MAF: variants seen among roughly 807,000 people sequenced by gnomAD.
MAF encodes MAF bZIP transcription factor.
Under a neutral mutation model 22.0 loss-of-function variants are expected in MAF, and 10 were observed. That is an observed-to-expected ratio of 0.45 (90% CI 0.28 to 0.77). MAF has a LOEUF of 0.77. Among genes scored for constraint, MAF ranks in the 30% least tolerant of loss-of-function variants. The pLI is 0.12. For missense variants in MAF, 544 were observed against 548.4 expected (o/e 0.99, Z 0.08); for synonymous variants, 337 against 255.8 (o/e 1.32, Z -3.03).
At chr16:79,566,742 G>T in the MAF span, among the ~76,000 whole-genome samples, 1 of 152,112 alleles carries the variant, frequency 6.6e-6, no homozygotes, top group Non-Finnish European at 1.5e-5. Context: ...AGATGTGCAG[G>T]GCCCTAAGGA....
the MAF span, among the ~76,000 whole-genome samples, chr16:79,302,945 C>A: frequency 6.6e-6 from 1 of 152,388 alleles, no homozygotes; most frequent in Admixed American, 6.5e-5. Flanking sequence ...ATGGGAGACA[C>A]TCTCCAACAA....
the MAF span, chr16:79,205,030 C>G: frequency 2.0e-5 from 3 of 152,168 alleles, no homozygotes; most frequent in African/African-American, 7.2e-5. Context: ...TCTAGCCAGA[C>G]TCGGATTTGG....
At chr16:79,211,882 C>G in the MAF span, 9 of 1,583,152 alleles carry the variant, frequency 5.7e-6, no homozygotes, top group Non-Finnish European at 7.7e-6. Context: ...TTCCAAATGT[C>G]CCTCCAACAC....
At chr16:79,557,187 T>C in the MAF span, among the ~76,000 whole-genome samples, 567 of 151,060 alleles carry the variant, frequency 3.8e-3, 12 homozygotes, top group African/African-American at 0.013. Flanking sequence ...TTCAATTCCA[T>C]TGCTAGTGCC....
the MAF span, among the ~76,000 whole-genome samples, chr16:79,365,807 T>A: frequency 6.6e-6 from 1 of 152,212 alleles, no homozygotes; most frequent in African/African-American, 2.4e-5. Flanking sequence ...CGAGGTGCCA[T>A]GTTCCTTCAA....
chr16:79,223,976 T>C, the MAF span, among the ~76,000 whole-genome samples: 80 of 152,172 alleles, frequency 5.3e-4, no homozygotes, highest in African/African-American at 1.8e-3. Context: ...TTGCAAACAA[T>C]AGGAAAAGAA....
At chr16:79,398,025 C>G in the MAF span, among the ~76,000 whole-genome samples, 1 of 152,222 alleles carries the variant, frequency 6.6e-6, no homozygotes, top group Non-Finnish European at 1.5e-5. Flanking sequence ...ACCTGGGTCT[C>G]GCTAGGCTAA....
At chr16:79,321,440 C>T in the MAF span, among the ~76,000 whole-genome samples, 1 of 152,088 alleles carries the variant, frequency 6.6e-6, no homozygotes. Context: ...AGGGAAAGGG[C>T]TACAAGAACA....
the MAF span, among the ~76,000 whole-genome samples, chr16:79,472,315 T>C: frequency 6.6e-6 from 1 of 152,214 alleles, no homozygotes; most frequent in Non-Finnish European, 1.5e-5. Flanking sequence ...AAGACTTCTA[T>C]GTGAATTCAC....
At chr16:79,212,252 G>C in the MAF span, 2 of 1,328,140 alleles carry the variant, frequency 1.5e-6, no homozygotes, top group African/African-American at 1.5e-5. Flanking sequence ...TGATCCAGGA[G>C]ATAATTGTTT....
chr16:79,220,482 T>C, the MAF span, among the ~76,000 whole-genome samples: 2 of 152,104 alleles, frequency 1.3e-5, no homozygotes, highest in African/African-American at 4.8e-5. Context: ...TATTTCAAAC[T>C]AAGTAAATTA....
the MAF span, among the ~76,000 whole-genome samples, chr16:79,300,046 C>T: frequency 4.6e-5 from 7 of 152,124 alleles, no homozygotes; most frequent in Admixed American, 1.3e-4. Context: ...GCGTCTCTTC[C>T]GCAGCACCCA....
At chr16:79,376,132 A>T in the MAF span, among the ~76,000 whole-genome samples, 6,836 of 152,242 alleles carry the variant, frequency 0.045, 490 homozygotes, top group African/African-American at 0.16. Flanking sequence ...AGCAAAAAAA[A>T]ATCACCAGAA....
chr16:79,272,777 C>T, the MAF span, among the ~76,000 whole-genome samples: 7 of 152,166 alleles, frequency 4.6e-5, no homozygotes, highest in African/African-American at 7.2e-5. Flanking sequence ...ACCCACAATT[C>T]GGTAACGAGA....
the MAF span, among the ~76,000 whole-genome samples, chr16:79,220,371 T>G: frequency 1.5e-3 from 224 of 152,072 alleles, no homozygotes; most frequent in African/African-American, 5.0e-3. Flanking sequence ...AACCAACTAG[T>G]GTAAATACTG....
At chr16:79,538,238 T>A in the MAF span, among the ~76,000 whole-genome samples, 1 of 152,122 alleles carries the variant, frequency 6.6e-6, no homozygotes, top group Non-Finnish European at 1.5e-5. Context: ...ATGAATGAAG[T>A]AAAATAGCCC....
At chr16:79,250,567 C>T in the MAF span, among the ~76,000 whole-genome samples, 1 of 152,086 alleles carries the variant, frequency 6.6e-6, no homozygotes, top group African/African-American at 2.4e-5. Flanking sequence ...AGAATCAGTC[C>T]TTGTTCTGGT....
chr16:79,211,021 ATG>A, the MAF span, among the ~76,000 whole-genome samples: 1 of 105,106 alleles, frequency 9.5e-6, no homozygotes, highest in African/African-American at 3.3e-5. Flanking sequence ...CTAAGTATGA[ATG>A]TATGGTGAGG....
chr16:79,528,128 C>T, the MAF span, among the ~76,000 whole-genome samples: 1 of 152,024 alleles, frequency 6.6e-6, no homozygotes. Context: ...GGCAACAGAG[C>T]GTGACTCTGT....
Sources: allele counts gnomAD v4.1 joint callset (sites outside exome capture counted in the v4.1 genomes callset), GRCh38; gene constraint gnomAD v4.1.1; transcripts MANE v1.5; gene names NCBI Gene and HGNC (gene_info 2026-07-23, HGNC 2026-07-21).